ETV1: variants seen among roughly 807,000 people sequenced by gnomAD.
The protein encoded by ETV1 is ETS variant transcription factor 1.
In ETV1, 27 loss-of-function variants were observed where a neutral mutation model predicts 62.3. That is an observed-to-expected ratio of 0.43 (90% confidence interval 0.32 to 0.60). ETV1 has a LOEUF of 0.60. Ranked by LOEUF, ETV1 falls within the 20% of genes least tolerant of loss-of-function variation. The pLI is 0.06. For synonymous variants in ETV1, 222 were observed against 199.6 expected, an observed-to-expected ratio of 1.11 and a Z score of -0.94; for missense variants, 605 against 605.8, an observed-to-expected ratio of 1.00 and a Z score of 0.01.
At chr7:13,942,863 T>C (rs1787724251) in intron 6 of ETV1, among the ~76,000 whole-genome samples, 1 of 152,182 alleles carries the variant, frequency 6.6e-6, no homozygotes, top group Non-Finnish European at 1.5e-5. Flanking sequence ...ATGTCAGCCA[T>C]ATTGGAGACT....
intron 9 of ETV1, among the ~76,000 whole-genome samples, chr7:13,915,930 C>T (rs1237185807): frequency 6.6e-6 from 1 of 152,126 alleles, no homozygotes; most frequent in African/African-American, 2.4e-5. Flanking sequence ...GTGAATATAA[C>T]ATCTTAGTTA....
At chr7:13,940,924 C>T (rs540031473) in intron 6 of ETV1, among the ~76,000 whole-genome samples, 9 of 152,198 alleles carry the variant, frequency 5.9e-5, no homozygotes, top group Admixed American at 1.3e-4. Context: ...TTGCCAAATA[C>T]GCACATTTTA....
intron 5 of ETV1, among the ~76,000 whole-genome samples, chr7:13,984,331 A>G (rs1045761640): frequency 6.6e-6 from 1 of 152,056 alleles, no homozygotes; most frequent in African/African-American, 2.4e-5. Context: ...TAATTTCTGG[A>G]TGTCCAGAAA....
At chr7:13,916,838 G>A (rs1784231452) in intron 9 of ETV1, among the ~76,000 whole-genome samples, 1 of 151,874 alleles carries the variant, frequency 6.6e-6, no homozygotes, top group African/African-American at 2.4e-5. Flanking sequence ...AGGCTAAGAT[G>A]GGAGGATGGT....
chr7:13,974,750 G>C (rs532471977), intron 6 of ETV1: 59 of 152,388 alleles, frequency 3.9e-4, no homozygotes, highest in African/African-American at 1.1e-3. Flanking sequence ...CAGTAACTTA[G>C]AAAGGCAACA....
chr7:13,979,664 T>C lies in ETV1; in HGVS notation c.182-2184A>G, dbSNP rs551977050. Among the ~76,000 whole-genome samples, 21 of 152,232 alleles carry C rather than the reference T, an allele frequency of 1.4e-4. 1 individual carries two copies. In the East Asian group the frequency reaches 2.9e-3, roughly 21 times the overall value. On this transcript the variant is annotated intron_variant, in intron 5 of 13. Transcript: ENST00000430479. ...ATTAACAGCTAAACAGATATAACTA[T>C]TGAGATGCAAATATATCAACCACAA...
intron 9 of ETV1, among the ~76,000 whole-genome samples, chr7:13,914,658 T>C (rs1783953579): frequency 6.6e-6 from 1 of 152,116 alleles, no homozygotes; most frequent in South Asian, 2.1e-4. Context: ...TCTCTGTCTC[T>C]TGATTTGCAT....
At chr7:13,970,293 C>A (rs1250820380) in intron 6 of ETV1, among the ~76,000 whole-genome samples, 6 of 148,110 alleles carry the variant, frequency 4.1e-5, no homozygotes, top group African/African-American at 1.5e-4. Context: ...CACACACACA[C>A]ACACACACAC....
intron 8 of ETV1, among the ~76,000 whole-genome samples, chr7:13,933,060 G>A (rs1220964191): frequency 1.3e-5 from 2 of 152,050 alleles, no homozygotes; most frequent in Non-Finnish European, 2.9e-5. Flanking sequence ...CCCTTCTCTT[G>A]CTTATTTCAT....
In ETV1 at chr7:13,946,575, A is replaced by AT. The variant is rs547725892; in HGVS notation, c.236-7330dup. ...GAACTATGACACATCATTGCTTTCAATTTTTTCTACCTATATTTTAGAAAG... is the reference window on the plus strand; with the variant it reads ...GAACTATGACACATCATTGCTTTCAATTTTTTTCTACCTATATTTTAGAAAG... On this transcript the variant is annotated intron_variant, in intron 6 of 13. Transcript: ENST00000430479. 1.3e-3 allele frequency among the ~76,000 whole-genome samples: 195 copies of AT among 152,206 alleles called. 1 individual carries two copies. Among genetic ancestry groups the AT allele is most frequent in the African/African-American group, 4.4e-3 (182 of 41,530 alleles).
intron 9 of ETV1, among the ~76,000 whole-genome samples, chr7:13,922,049 A>T (rs1169677056): frequency 1.3e-5 from 2 of 152,202 alleles, no homozygotes; most frequent in Non-Finnish European, 2.9e-5. Context: ...TTAAAGTCTG[A>T]TCAATGTAAT....
intron 13 of ETV1, among the ~76,000 whole-genome samples, chr7:13,899,189 G>A (rs1782146705): frequency 1.3e-5 from 2 of 152,160 alleles, no homozygotes; most frequent in Non-Finnish European, 2.9e-5. Flanking sequence ...CCCGCATTAG[G>A]AAGATGGTGG....
At chr7:13,975,750 G>A (rs1358137953) in intron 6 of ETV1, among the ~76,000 whole-genome samples, 1 of 151,848 alleles carries the variant, frequency 6.6e-6, no homozygotes, top group Admixed American at 6.6e-5. Flanking sequence ...CTTCAGAAAA[G>A]AGTTCAAAGA....
rs184409367 is a variant in ETV1 at position 13,967,850 on chromosome 7, A to G, written c.235+9577T>C. Among the ~76,000 whole-genome samples the G allele has an allele frequency of 3.3e-5, 5 of 152,178 alleles. No individual in the cohort carries two copies. The East Asian group carries it at 9.6e-4, about 29-fold the overall frequency. ...ATATTCTATGAGGTGGTAGCCCCCA[A>G]ATATATTTATTTTCATGACTGCTTT... is the stretch of plus-strand genomic sequence containing the variant. On this transcript the variant is annotated intron_variant, in intron 6 of 13. Transcript: ENST00000430479.
At chr7:13,909,064 G>T (rs150871053) in intron 11 of ETV1, among the ~76,000 whole-genome samples, 16 of 151,226 alleles carry the variant, frequency 1.1e-4, no homozygotes, top group Middle Eastern at 3.4e-3. Context: ...TATTAAAAAG[G>T]TAATGCTTTC....
At chr7:13,896,829 A>G (rs778709811) in intron 13 of ETV1, among the ~76,000 whole-genome samples, 2 of 151,964 alleles carry the variant, frequency 1.3e-5, no homozygotes, top group Non-Finnish European at 2.9e-5. Context: ...ATGGATCAAA[A>G]GGACAGTATC....
At chr7:13,905,833 C>G (rs2237294) in intron 12 of ETV1, among the ~76,000 whole-genome samples, 69,882 of 151,958 alleles carry the variant, frequency 0.46, 16,466 homozygotes, top group South Asian at 0.57. Context: ...GTGTCACGGA[C>G]AAAGGAAAAT....
chr7:13,944,119 A>T (rs1477865107), intron 6 of ETV1, among the ~76,000 whole-genome samples: 2 of 152,196 alleles, frequency 1.3e-5, no homozygotes, highest in African/African-American at 4.8e-5. Flanking sequence ...AAAAGGCATG[A>T]TCCATGCTAG....
At chr7:13,907,695 G>A (rs887389967) in intron 11 of ETV1, 9 of 327,752 alleles carry the variant, frequency 2.7e-5, no homozygotes, top group Admixed American at 1.1e-4. Flanking sequence ...GCTCTTCTCC[G>A]CTAAAGAAAC....
Sources: gnomAD v4.1 joint callset for allele counts (sites outside exome capture counted in the v4.1 genomes callset) on GRCh38, gnomAD v4.1.1 for gene constraint, MANE v1.5 for transcripts, NCBI Gene and HGNC (gene_info 2026-07-23, HGNC 2026-07-21) for gene names.